INPP4A: variants seen among roughly 807,000 people sequenced by gnomAD.
INPP4A encodes the protein inositol polyphosphate-4-phosphatase type I A.
A neutral mutation model predicts 119.8 loss-of-function variants in INPP4A; 33 were observed. The observed-to-expected ratio is 0.28, with a 90% CI of 0.21 to 0.37. The LOEUF is 0.37. Among genes scored for constraint, INPP4A ranks in the 10% least tolerant of loss-of-function variants. INPP4A has a pLI of 1.00. For missense variants in INPP4A, 956 were observed against 1,289.9 expected, an observed-to-expected ratio of 0.74 and a Z score of 3.97; for synonymous variants, 496 against 500.7, an observed-to-expected ratio of 0.99 and a Z score of 0.12.
intron 1 of INPP4A, among the ~76,000 whole-genome samples, chr2:98,477,178 G>A (rs1234605168): frequency 1.3e-5 from 2 of 152,268 alleles, no homozygotes; most frequent in East Asian, 1.9e-4. Flanking sequence ...GGTGAAATGA[G>A]TTCTCCCTGG....
chr2:98,545,945 A>T, intron 11 of INPP4A, 24 bp from the exon 12 acceptor site: 1 of 1,453,140 alleles, frequency 6.9e-7, no homozygotes, highest in Non-Finnish European at 9.5e-7. Context: ...GATGGCCTTT[A>T]TCTTCTCCTA....
At chr2:98,577,430 A>T (rs1698617309) in intron 24 of INPP4A, among the ~76,000 whole-genome samples, 1 of 152,256 alleles carries the variant, frequency 6.6e-6, no homozygotes, top group Non-Finnish European at 1.5e-5. Flanking sequence ...GCTAAACGGG[A>T]AGCTGGGAAG....
chr2:98,447,963 C>G (rs537813105), intron 1 of INPP4A, among the ~76,000 whole-genome samples: 2 of 147,498 alleles, frequency 1.4e-5, no homozygotes, highest in Non-Finnish European at 3.0e-5. Flanking sequence ...AGGAGAATGG[C>G]GTGAACCTGG....
At chr2:98,532,303 C>T (rs1014139437) in intron 4 of INPP4A, among the ~76,000 whole-genome samples, 3 of 152,116 alleles carry the variant, frequency 2.0e-5, no homozygotes, top group African/African-American at 7.2e-5. Flanking sequence ...TTCATCCCAT[C>T]ACTCCTCCTC....
intron 1 of INPP4A, among the ~76,000 whole-genome samples, chr2:98,467,381 C>T (rs778720848): frequency 2.6e-5 from 4 of 152,222 alleles, no homozygotes; most frequent in Non-Finnish European, 2.9e-5. Context: ...CTTGCCCCTC[C>T]GTCCCCCTCA....
rs1700390655 is a variant in INPP4A at position 98,591,288 on chromosome 2, G to C, written c.*3680G>C. ...CTCACTGGCACCTTGCTTGGTGCAT[G>C]GGCCATGCTCAGTTTAATATTATTA... is the stretch of plus-strand genomic sequence containing the variant. On this transcript the variant is annotated 3_prime_UTR_variant, in exon 25 of 25. Coordinates refer to ENST00000409851, the MANE Select transcript of INPP4A (RefSeq NM_001134225.2). 1 of 164,640 alleles carries C rather than the reference G, an allele frequency of 6.1e-6. No individual in the cohort carries two copies. Among genetic ancestry groups the C allele is most frequent in the African/African-American group, 2.4e-5 (1 of 41,868 alleles). The allele number at this position is 164,640 out of a possible 1,614,324, so 10.2% of individuals were successfully genotyped here. A position where few individuals can be genotyped will look rare whatever the true frequency, so the allele number is the denominator to read the frequency against.
At chr2:98,523,167 T>C (rs1468436230) in intron 4 of INPP4A, among the ~76,000 whole-genome samples, 2 of 152,196 alleles carry the variant, frequency 1.3e-5, no homozygotes, top group South Asian at 2.1e-4. Flanking sequence ...TTAACACAAA[T>C]TGAGCTAAAA....
chr2:98,479,180 C>T (rs1055866844), intron 1 of INPP4A, among the ~76,000 whole-genome samples: 2 of 152,102 alleles, frequency 1.3e-5, no homozygotes, highest in African/African-American at 2.4e-5. Context: ...TATCACCTTC[C>T]CCAAACTAGG....
chr2:98,517,368 C>A (rs1299608770), intron 1 of INPP4A, among the ~76,000 whole-genome samples: 1 of 152,204 alleles, frequency 6.6e-6, no homozygotes, highest in Non-Finnish European at 1.5e-5. Context: ...CTGTTAGCAG[C>A]TCCCCCTCTG....
intron 23 of INPP4A, among the ~76,000 whole-genome samples, chr2:98,573,946 G>A (rs957113400): frequency 6.6e-6 from 1 of 152,174 alleles, no homozygotes; most frequent in Admixed American, 6.5e-5. Flanking sequence ...TCCTCAGCTG[G>A]TCAGACTTTA....
chr2:98,508,034 G>T (rs944944309), intron 1 of INPP4A, among the ~76,000 whole-genome samples: 1 of 152,186 alleles, frequency 6.6e-6, no homozygotes, highest in African/African-American at 2.4e-5. Flanking sequence ...CAAGGCAAAG[G>T]ACATTGCTGT....
chr2:98,531,242 A>G (rs1291379702), intron 4 of INPP4A, among the ~76,000 whole-genome samples: 1 of 152,232 alleles, frequency 6.6e-6, no homozygotes. Context: ...AACACTAGGT[A>G]AAGAAGAATA....
chr2:98,446,095 C>G (rs1239873159), intron 1 of INPP4A, among the ~76,000 whole-genome samples: 1 of 152,234 alleles, frequency 6.6e-6, no homozygotes, highest in Non-Finnish European at 1.5e-5. Context: ...AGTGGGTTGA[C>G]TTCGGTGTGA....
At chr2:98,494,356 GCTAGTTTGTAGGGCAGAGGTTCCAT>G (rs1558942676) in intron 1 of INPP4A, among the ~76,000 whole-genome samples, 2 of 152,162 alleles carry the variant, frequency 1.3e-5, no homozygotes, top group Non-Finnish European at 2.9e-5. Flanking sequence ...TGTCAGTCCA[GCTAGTTTGTAGGGCAGAGGTTCCAT>G]CCTTGGAGAA....
chr2:98,552,994 T>C (rs754461168), intron 14 of INPP4A, 25 bp downstream of exon 14: 1 of 1,576,416 alleles, frequency 6.3e-7, no homozygotes, highest in Admixed American at 1.8e-5. Flanking sequence ...CTGCTACATA[T>C]GGGCTGGGGA....
At chr2:98,463,218 A>G (rs1673973545) in intron 1 of INPP4A, among the ~76,000 whole-genome samples, 1 of 152,222 alleles carries the variant, frequency 6.6e-6, no homozygotes, top group Admixed American at 6.5e-5. Context: ...TTTCAGGTAC[A>G]TTGGCTCTGT....
chr2:98,519,875 C>G (rs1306708618), intron 2 of INPP4A, 71 bp from the exon 3 acceptor site: 1 of 614,882 alleles, frequency 1.6e-6, no homozygotes, highest in African/African-American at 1.9e-5. Context: ...AGGTCACGTT[C>G]TTTCTAAATG....
intron 14 of INPP4A, among the ~76,000 whole-genome samples, chr2:98,553,367 A>ATAAGG (rs397778392): frequency 1.3e-5 from 2 of 149,274 alleles, no homozygotes; most frequent in African/African-American, 5.0e-5. Flanking sequence ...CAGACATAAG[A>ATAAGG]AGAATATAAT....
At chr2:98,496,942 G>T (rs1041323918) in intron 1 of INPP4A, among the ~76,000 whole-genome samples, 1 of 152,212 alleles carries the variant, frequency 6.6e-6, no homozygotes, top group Non-Finnish European at 1.5e-5. Context: ...TTCACATGTG[G>T]CTCTGAGCAC....
Sources: gnomAD v4.1 joint callset for allele counts (sites outside exome capture counted in the v4.1 genomes callset) on GRCh38, gnomAD v4.1.1 for gene constraint, MANE v1.5 for transcripts, NCBI Gene and HGNC (gene_info 2026-07-23, HGNC 2026-07-21) for gene names.